Variants in KCNMB2 observed in about 807,000 individuals in gnomAD.
KCNMB2 encodes the protein calcium-activated potassium channel subunit beta-2.
Under a neutral mutation model 24.5 loss-of-function variants are expected in KCNMB2, and 9 were observed. The ratio of observed to expected loss-of-function variants is 0.37; its 90% confidence interval spans 0.22 to 0.64. The LOEUF is 0.64. Among genes scored for constraint, KCNMB2 ranks in the 30% least tolerant of loss-of-function variants. The pLI, the probability that KCNMB2 is intolerant of heterozygous loss-of-function variation, is 0.63. For missense variants in KCNMB2, 226 were observed against 284.3 expected, an observed-to-expected ratio of 0.79 and a Z score of 1.47; for synonymous variants, 109 against 104.4, an observed-to-expected ratio of 1.04 and a Z score of -0.27.
intron 4 of KCNMB2, among the ~76,000 whole-genome samples, chr3:178,831,671 T>C (rs905892786): frequency 6.6e-6 from 1 of 152,102 alleles, no homozygotes; most frequent in Non-Finnish European, 1.5e-5. Flanking sequence ...TACCACATAT[T>C]CTCACTTAAA....
chr3:178,748,475 C>A (rs1000356167), intron 1 of KCNMB2: 1 of 152,114 alleles, frequency 6.6e-6, no homozygotes, highest in African/African-American at 2.4e-5. Flanking sequence ...CCCAGAATCT[C>A]CCAGAATAAT....
chr3:178,680,565 C>G (rs911210232), intron 1 of KCNMB2, among the ~76,000 whole-genome samples: 2 of 152,166 alleles, frequency 1.3e-5, no homozygotes, highest in Admixed American at 1.3e-4. Flanking sequence ...TAACCCAACT[C>G]CAATGTGAGG....
At chr3:178,583,179 G>C (rs1016912667) in intron 1 of KCNMB2, among the ~76,000 whole-genome samples, 1 of 152,022 alleles carries the variant, frequency 6.6e-6, no homozygotes, top group Non-Finnish European at 1.5e-5. Flanking sequence ...ACCTAGATTT[G>C]TTAATACGTA....
intron 1 of KCNMB2, among the ~76,000 whole-genome samples, chr3:178,774,338 A>G (rs1485075813): frequency 6.6e-6 from 1 of 152,234 alleles, no homozygotes; most frequent in Non-Finnish European, 1.5e-5. Context: ...AAAGAAAGAA[A>G]AGAAAGACAG....
chr3:178,727,882 C>A (rs1028383306), intron 1 of KCNMB2, among the ~76,000 whole-genome samples: 36 of 152,282 alleles, frequency 2.4e-4, no homozygotes, highest in African/African-American at 8.7e-4. Flanking sequence ...AATATAATCC[C>A]CTCCAGGCCA....
intron 1 of KCNMB2, among the ~76,000 whole-genome samples, chr3:178,625,394 G>C (rs989389759): frequency 1.4e-4 from 22 of 152,362 alleles, no homozygotes; most frequent in Admixed American, 1.0e-3. Context: ...TCAGGGACCT[G>C]GCTGGAGCTC....
At chr3:178,729,980 A>G (rs768067882) in intron 1 of KCNMB2, among the ~76,000 whole-genome samples, 13 of 152,210 alleles carry the variant, frequency 8.5e-5, no homozygotes, top group Admixed American at 5.9e-4. Context: ...GGAAACTGAG[A>G]TTGACAAAAT....
intron 1 of KCNMB2, among the ~76,000 whole-genome samples, chr3:178,785,574 A>G (rs1713069012): frequency 6.6e-6 from 1 of 152,086 alleles, no homozygotes; most frequent in African/African-American, 2.4e-5. Context: ...AATATTAAAA[A>G]AGCACAATAG....
At chr3:178,734,531 G>A (rs1723255999) in intron 1 of KCNMB2, among the ~76,000 whole-genome samples, 2 of 152,162 alleles carry the variant, frequency 1.3e-5, no homozygotes, top group South Asian at 4.1e-4. Context: ...AAAATTAGCT[G>A]CACAGCTTGT....
intron 1 of KCNMB2, among the ~76,000 whole-genome samples, chr3:178,550,936 A>T (rs1375655003): frequency 6.6e-6 from 1 of 152,210 alleles, no homozygotes; most frequent in Non-Finnish European, 1.5e-5. Context: ...AATCATGTCA[A>T]ATATTACAGA....
intron 1 of KCNMB2, among the ~76,000 whole-genome samples, chr3:178,666,077 T>C (rs1720707834): frequency 6.6e-6 from 1 of 152,116 alleles, no homozygotes; most frequent in African/African-American, 2.4e-5. Flanking sequence ...GTGTGTGTCA[T>C]TGGAGAGCAG....
rs117933917 is a variant in KCNMB2 at position 178,752,599 on chromosome 3, G to A, written c.-67-54744G>A. On this transcript the variant is annotated intron_variant, in intron 1 of 4. Coordinates refer to ENST00000452583, the MANE Select transcript of KCNMB2 (RefSeq NM_181361.3). ...ATTTCATAAATGTAAATTAGAGAATGGAAAACTGGAGGAAAAACTGGAGAA... is the reference window on the plus strand; with the variant it reads ...ATTTCATAAATGTAAATTAGAGAATAGAAAACTGGAGGAAAAACTGGAGAA... Among the ~76,000 whole-genome samples, 105 of 152,244 alleles carry A rather than the reference G, an allele frequency of 6.9e-4. 1 individual carries two copies. The highest frequency in any genetic ancestry group is 6.4e-3 in the East Asian group (33 of 5,178).
In KCNMB2 at chr3:178,843,903, G is replaced by C. The variant is rs904113488; in HGVS notation, c.*966G>C. ...TTGTGCTTAAGTCAATGAATGTGTA[G>C]TATCTCCTTCTGACAAGCATTCCCT... On this transcript the variant is annotated 3_prime_UTR_variant, in exon 5 of 5. Coordinates refer to ENST00000452583, the MANE Select transcript of KCNMB2 (RefSeq NM_181361.3). 1.3e-5 allele frequency: 2 copies of C among 152,150 alleles called. No homozygotes were observed. Among genetic ancestry groups the C allele is most frequent in the African/African-American group, 4.8e-5 (2 of 41,430 alleles). The allele number at this position is 152,150 out of a possible 1,614,324, so 9.4% of individuals were successfully genotyped here.
At chr3:178,639,075 A>AT (rs894794560) in intron 1 of KCNMB2, among the ~76,000 whole-genome samples, 3 of 151,978 alleles carry the variant, frequency 2.0e-5, no homozygotes, top group Non-Finnish European at 4.4e-5. Context: ...CCTTGAATAG[A>AT]TTTTTTTTAA....
intron 1 of KCNMB2, among the ~76,000 whole-genome samples, chr3:178,615,321 G>A (rs1718666110): frequency 6.6e-6 from 1 of 152,214 alleles, no homozygotes; most frequent in Non-Finnish European, 1.5e-5. Context: ...CAGTCAGCAG[G>A]TGGCAAAGCC....
chr3:178,721,783 T>C (rs567044687), intron 1 of KCNMB2, among the ~76,000 whole-genome samples: 14 of 152,210 alleles, frequency 9.2e-5, no homozygotes, highest in Non-Finnish European at 1.8e-4. Context: ...AATCAATGTG[T>C]CATACTATCT....
chr3:178,735,005 G>A (rs1723271369), intron 1 of KCNMB2, among the ~76,000 whole-genome samples: 1 of 152,184 alleles, frequency 6.6e-6, no homozygotes, highest in Admixed American at 6.5e-5. Context: ...TATCTCTGTA[G>A]CAGAGTAGTG....
chr3:178,632,075 C>G (rs1388938856), intron 1 of KCNMB2, among the ~76,000 whole-genome samples: 2 of 152,186 alleles, frequency 1.3e-5, no homozygotes, highest in Non-Finnish European at 2.9e-5. Context: ...GGAGGCAAGA[C>G]CATGTTATCC....
chr3:178,647,513 T>C (rs1560147174), intron 1 of KCNMB2, among the ~76,000 whole-genome samples: 1 of 152,222 alleles, frequency 6.6e-6, no homozygotes, highest in Non-Finnish European at 1.5e-5. Context: ...CCACCACTTA[T>C]AAGCTTAAAA....
Sources: gnomAD v4.1 joint callset for allele counts (sites outside exome capture counted in the v4.1 genomes callset) on GRCh38, gnomAD v4.1.1 for gene constraint, MANE v1.5 for transcripts, NCBI Gene and HGNC (gene_info 2026-07-23, HGNC 2026-07-21) for gene names.